RAPGEF6: variants seen among roughly 807,000 people sequenced by gnomAD.
RAPGEF6 encodes the protein PDZ domain containing guanine nucleotide exchange factor (GEF) 2.
Under a neutral mutation model 171.4 loss-of-function variants are expected in RAPGEF6, and 56 were observed. The observed-to-expected ratio is 0.33, with a 90% confidence interval of 0.26 to 0.41. The LOEUF (loss-of-function observed/expected upper bound fraction) is 0.41. Ranked by LOEUF, RAPGEF6 falls within the 10% of genes least tolerant of loss-of-function variation. RAPGEF6 has a pLI of 1.00. For synonymous variants in RAPGEF6, 692 were observed against 650.1 expected (o/e 1.06, Z -0.98); for missense variants, 1,674 against 1,921.4 (o/e 0.87, Z 2.41).
intron 22 of RAPGEF6, among the ~76,000 whole-genome samples, chr5:131,444,823 T>C (rs888158535): frequency 6.6e-6 from 1 of 152,184 alleles, no homozygotes; most frequent in South Asian, 2.1e-4. Flanking sequence ...AAAAAATAAC[T>C]TTGATGATGA....
Position 131,548,154 on chromosome 5 carries a change from G to C in RAPGEF6, c.388C>G (p.Gln130Glu), listed in dbSNP as rs764185840. The change falls in exon 6 of 28, where the codon CAA becomes GAA. Residue 130 changes from glutamine (Q) to glutamate (E), a missense_variant. This residue lies in a region of RAPGEF6 where 1,116 missense variants were observed against 1,321.5 expected (regional missense o/e 0.84). Transcript: ENST00000509018. ...NAKDNEDSIL[Q>E]REIPARQSRR... is the part of the protein sequence containing the mutation. ...GATTGTCTGGCAGGAATTTCTCTTT[G>C]TAGAATACTATCTTCATTATCTTTG... 6.2e-7 allele frequency: 1 copy of C among 1,613,830 alleles called. No homozygotes were observed. Among genetic ancestry groups the C allele is most frequent in the East Asian group, 2.2e-5 (1 of 44,846 alleles).
At chr5:131,492,128 A>T (rs1337742415) in intron 14 of RAPGEF6, among the ~76,000 whole-genome samples, 1 of 152,216 alleles carries the variant, frequency 6.6e-6, no homozygotes, top group Non-Finnish European at 1.5e-5. Flanking sequence ...GGATATAGTT[A>T]TGTTACCATA....
At chr5:131,577,302 A>G (rs1314514045) in intron 4 of RAPGEF6, among the ~76,000 whole-genome samples, 2 of 152,182 alleles carry the variant, frequency 1.3e-5, no homozygotes, top group Non-Finnish European at 1.5e-5. Context: ...GAAAGAACTA[A>G]TGGTCTTTTA....
At chr5:131,569,117 G>A (rs1762123171) in intron 4 of RAPGEF6, among the ~76,000 whole-genome samples, 1 of 152,100 alleles carries the variant, frequency 6.6e-6, no homozygotes, top group Non-Finnish European at 1.5e-5. Context: ...TTCATAGGCT[G>A]GAAACACAAT....
chr5:131,605,057 G>C (rs1764472774), intron 1 of RAPGEF6, among the ~76,000 whole-genome samples: 1 of 152,126 alleles, frequency 6.6e-6, no homozygotes, highest in Non-Finnish European at 1.5e-5. Flanking sequence ...GACATCTCTA[G>C]AGATGACCCA....
intron 24 of RAPGEF6, among the ~76,000 whole-genome samples, chr5:131,433,979 TAAG>T (rs988707330): frequency 3.3e-5 from 5 of 152,184 alleles, no homozygotes; most frequent in African/African-American, 7.2e-5. Flanking sequence ...TTTAATAAAA[TAAG>T]AAGATTACAA....
intron 4 of RAPGEF6, among the ~76,000 whole-genome samples, chr5:131,578,978 G>A (rs1337085537): frequency 3.3e-5 from 5 of 152,124 alleles, no homozygotes; most frequent in Admixed American, 1.3e-4. Context: ...GAATGAAGCC[G>A]CGGACCCTCG....
chr5:131,541,498 T>G (rs1392093735), intron 6 of RAPGEF6, among the ~76,000 whole-genome samples: 1 of 152,122 alleles, frequency 6.6e-6, no homozygotes, highest in South Asian at 2.1e-4. Flanking sequence ...ACTCTCAAGA[T>G]TCTTAATTTT....
At chr5:131,524,052 A>G (rs1758695199) in intron 6 of RAPGEF6, among the ~76,000 whole-genome samples, 1 of 152,202 alleles carries the variant, frequency 6.6e-6, no homozygotes, top group Non-Finnish European at 1.5e-5. Context: ...TAGCAAAAAC[A>G]GTCCTCAAAA....
chr5:131,601,026 G>T (rs1367595613), intron 3 of RAPGEF6, among the ~76,000 whole-genome samples: 3 of 148,798 alleles, frequency 2.0e-5, no homozygotes, highest in African/African-American at 7.5e-5. Flanking sequence ...GAAGCAGGAG[G>T]ATCTCTTGAG....
chr5:131,510,528 TAAA>T, intron 7 of RAPGEF6, 37 bp from the exon 8 acceptor site: 3 of 1,576,064 alleles, frequency 1.9e-6, no homozygotes, highest in Non-Finnish European at 2.6e-6. Context: ...CCATTTCATG[TAAA>T]AAATATTATA....
chr5:131,455,928 T>G lies in RAPGEF6; in HGVS notation c.2949A>C (p.Leu983=), dbSNP rs146941788. ...TTCTAGATGGATCAAAAATGTCTTG[T>G]AGATCTTGAAGATGTTTCTCGTATT... ...PSKYEKHLQD[L]QDIFDPSRNM... The change falls in exon 20 of 28, where the codon CTA becomes CTC. Residue 983 remains leucine, a synonymous_variant. Transcript: ENST00000509018. 17 of 1,614,108 alleles carry G rather than the reference T, an allele frequency of 1.1e-5. No individual in the cohort carries two copies. Among genetic ancestry groups the G allele is most frequent in the Non-Finnish European group, 1.4e-5 (17 of 1,179,976 alleles).
In RAPGEF6 at chr5:131,455,806, T is replaced by C; in HGVS notation, c.3071A>G (p.His1024Arg). ...PVVKKDMTFL[H>R]EGNDSKVDGL... is the part of the protein sequence containing the mutation. ...AATAAATAATGTTTTCATACCTTCA[T>C]GTAGAAATGTCATATCTTTCTTGAC... The change falls in exon 20 of 28, where the codon CAT becomes CGT. Residue 1024 changes from histidine (H) to arginine (R), a missense_variant. Physicochemically the swap from His to Arg is conservative, Grantham distance 29. This residue lies in a region of RAPGEF6 where 1,116 missense variants were observed against 1,321.5 expected (regional missense o/e 0.84). Transcript: ENST00000509018. The C allele has an allele frequency of 4.3e-6, 7 of 1,609,566 alleles. No homozygotes were observed. Among genetic ancestry groups the C allele is most frequent in the Non-Finnish European group, 6.0e-6 (7 of 1,176,428 alleles).
intron 7 of RAPGEF6, among the ~76,000 whole-genome samples, chr5:131,516,454 G>A (rs1758091437): frequency 1.3e-5 from 2 of 152,150 alleles, no homozygotes; most frequent in African/African-American, 4.8e-5. Context: ...TGAAGAGATT[G>A]GCACTCCGAG....
At chr5:131,518,668 C>T (rs1758265984) in intron 7 of RAPGEF6, among the ~76,000 whole-genome samples, 1 of 152,046 alleles carries the variant, frequency 6.6e-6, no homozygotes, top group Non-Finnish European at 1.5e-5. Flanking sequence ...AGTGCTGGGA[C>T]TGCAGGCTTG....
rs1370758542 is a variant in RAPGEF6 at position 131,521,881 on chromosome 5, ACACACACACACT to A, written c.496-372_496-361del. Among the ~76,000 whole-genome samples the A allele has an allele frequency of 1.8e-3, 223 of 125,572 alleles. 2 individuals are homozygous for A. The highest frequency in any genetic ancestry group is 7.2e-3 in the African/African-American group (213 of 29,642). The allele number at this position is 125,572 out of a possible 152,430, so 82.4% of individuals were successfully genotyped here. ...CACACACACACACACACACACACAC[ACACACACACACT>A]CTCTCTCTCTCTCACACACACACTC... On this transcript the variant is annotated intron_variant, in intron 6 of 27. Coordinates refer to ENST00000509018, the MANE Select transcript of RAPGEF6 (RefSeq NM_016340.6).
chr5:131,558,668 T>A (rs1008664668), intron 5 of RAPGEF6, among the ~76,000 whole-genome samples: 2 of 152,214 alleles, frequency 1.3e-5, no homozygotes, highest in Non-Finnish European at 2.9e-5. Flanking sequence ...TTTATTCATT[T>A]AAAATATTTT....
intron 6 of RAPGEF6, among the ~76,000 whole-genome samples, chr5:131,534,836 AT>A (rs1759656827): frequency 6.6e-6 from 1 of 152,146 alleles, no homozygotes; most frequent in Non-Finnish European, 1.5e-5. Flanking sequence ...AATACCAAGA[AT>A]TTCAACACCA....
intron 14 of RAPGEF6, among the ~76,000 whole-genome samples, chr5:131,492,181 G>C (rs1036812439): frequency 5.3e-5 from 8 of 152,124 alleles, no homozygotes; most frequent in Non-Finnish European, 7.3e-5. Flanking sequence ...GTAATCTGCA[G>C]CCACTTACAT....
Sources: allele counts gnomAD v4.1 joint callset (sites outside exome capture counted in the v4.1 genomes callset), GRCh38; gene constraint gnomAD v4.1.1; regional missense constraint gnomAD v4.1.1; transcripts MANE v1.5; gene names NCBI Gene and HGNC (gene_info 2026-07-23, HGNC 2026-07-21).